Variants in ERC2 observed in about 807,000 individuals in gnomAD.
ERC2 encodes the protein ERC protein 2.
In ERC2, 42 loss-of-function variants were observed where a neutral mutation model predicts 114.8. That is an observed-to-expected ratio of 0.37 (90% CI 0.29 to 0.47). The LOEUF (loss-of-function observed/expected upper bound fraction) is 0.47, where lower values mean the gene tolerates loss of function less well. Ranked by LOEUF, ERC2 falls within the 20% of genes least tolerant of loss-of-function variation. The pLI, the probability that ERC2 is intolerant of heterozygous loss-of-function variation, is 0.99. For missense variants in ERC2, 939 were observed against 1,150.7 expected (o/e 0.82, Z 2.66); for synonymous variants, 454 against 425.5 (o/e 1.07, Z -0.82).
chr3:56,137,250 C>T (rs1352578571), intron 6 of ERC2, among the ~76,000 whole-genome samples: 2 of 152,190 alleles, frequency 1.3e-5, no homozygotes, highest in Admixed American at 1.3e-4. Flanking sequence ...TGCCTTGCTT[C>T]TCAAATTCTC....
At chr3:55,852,106 G>C (rs1489865999) in intron 14 of ERC2, among the ~76,000 whole-genome samples, 1 of 152,144 alleles carries the variant, frequency 6.6e-6, no homozygotes, top group African/African-American at 2.4e-5. Context: ...TCTAATCCCA[G>C]CTACTCAGGA....
chr3:55,586,903 T>C (rs920221968), intron 17 of ERC2, among the ~76,000 whole-genome samples: 58 of 152,310 alleles, frequency 3.8e-4, no homozygotes, highest in African/African-American at 1.2e-3. Flanking sequence ...TTTTTTTCTA[T>C]GAACAAAAAA....
chr3:56,223,864 T>C (rs1163547070), intron 3 of ERC2, among the ~76,000 whole-genome samples: 1 of 152,254 alleles, frequency 6.6e-6, no homozygotes, highest in East Asian at 1.9e-4. Flanking sequence ...TCTCCACATG[T>C]TAAAAGCTGC....
At chr3:55,891,437 A>ATTTTTTTTT (rs869073962) in intron 13 of ERC2, among the ~76,000 whole-genome samples, 2 of 86,956 alleles carry the variant, frequency 2.3e-5, no homozygotes, top group Non-Finnish European at 4.5e-5. Flanking sequence ...GTCTGGTTCT[A>ATTTTTTTTT]TTTTTTTTTT....
At chr3:55,738,976 G>T (rs1186209852) in intron 14 of ERC2, among the ~76,000 whole-genome samples, 1 of 152,044 alleles carries the variant, frequency 6.6e-6, no homozygotes, top group Non-Finnish European at 1.5e-5. Context: ...TGTTCTCATT[G>T]TTCAACTCCC....
At chr3:55,617,854 A>T (rs2059183422) in intron 17 of ERC2, among the ~76,000 whole-genome samples, 1 of 152,216 alleles carries the variant, frequency 6.6e-6, no homozygotes, top group Admixed American at 6.5e-5. Flanking sequence ...GAGCAAGGGA[A>T]GTGGGGCCAC....
intron 12 of ERC2, among the ~76,000 whole-genome samples, chr3:55,978,203 A>G (rs2069751717): frequency 6.6e-6 from 1 of 152,240 alleles, no homozygotes; most frequent in Non-Finnish European, 1.5e-5. Context: ...ATACATGAAT[A>G]CAGAAAGGCA....
At chr3:55,897,657 A>C (rs368734716) in intron 13 of ERC2, among the ~76,000 whole-genome samples, 8 of 151,938 alleles carry the variant, frequency 5.3e-5, no homozygotes, top group African/African-American at 1.9e-4. Flanking sequence ...AAACGCTTAA[A>C]CCCCCCGTCA....
intron 13 of ERC2, among the ~76,000 whole-genome samples, chr3:55,902,011 C>A (rs972303395): frequency 2.6e-5 from 4 of 152,188 alleles, no homozygotes; most frequent in African/African-American, 9.7e-5. Flanking sequence ...CACACAAACA[C>A]AGACACATGC....
At position 56,192,888 on chromosome 3, in the gene ERC2, G is replaced by C. The variant is rs572224603; in HGVS notation, c.1075-19368C>G. Among the ~76,000 whole-genome samples the C allele has an allele frequency of 3.9e-5, 6 of 152,208 alleles. No homozygotes were observed. In the South Asian group the frequency reaches 6.2e-4, roughly 16 times the overall value. On this transcript the variant is annotated intron_variant, in intron 3 of 17. Transcript: ENST00000288221. Reference sequence around the variant, plus strand: ...CAGGAAACACATTCATTTGACAATGGGTATCAGTTTTCCATAAGGTCTCCC... The same window carrying C: ...CAGGAAACACATTCATTTGACAATGCGTATCAGTTTTCCATAAGGTCTCCC...
chr3:55,810,914 C>T (rs2059697061), intron 14 of ERC2, among the ~76,000 whole-genome samples: 1 of 152,132 alleles, frequency 6.6e-6, no homozygotes, highest in African/African-American at 2.4e-5. Flanking sequence ...CTTTATGTAT[C>T]TGTCTAGTAG....
intron 2 of ERC2, among the ~76,000 whole-genome samples, chr3:56,356,740 T>G (rs187495861): frequency 6.6e-6 from 1 of 152,220 alleles, no homozygotes. Context: ...GCTAACACAG[T>G]CTCACAATAT....
Position 56,435,016 on chromosome 3 carries a change from T to C in ERC2, c.-9A>G, listed in dbSNP as rs763811547. The C allele has an allele frequency of 6.3e-7, 1 of 1,595,496 alleles. No homozygotes were observed. Among genetic ancestry groups the C allele is most frequent in the Non-Finnish European group, 8.5e-7 (1 of 1,173,938 alleles). On this transcript the variant is annotated 5_prime_UTR_variant, in exon 2 of 18. The change creates a new upstream start codon in the 5' untranslated region. Transcript: ENST00000288221. ...CTTGCACTTCCATACATTTTTCTTGTATTATGAGGTGTTACTGAAGAGAAG... is the reference window on the plus strand; with the variant it reads ...CTTGCACTTCCATACATTTTTCTTGCATTATGAGGTGTTACTGAAGAGAAG...
rs1316367408 is a variant in ERC2, at chr3:56,291,252, TC to T, written c.1074+4766del. ...AAGGTAAACGTCAAACAATGTCTTA[TC>T]AAATCAACCTGCATCCAAATACATC... is the stretch of plus-strand genomic sequence containing the variant. On this transcript the variant is annotated intron_variant, in intron 3 of 17. Transcript: ENST00000288221. Among the ~76,000 whole-genome samples, 10 of 152,338 alleles carry T rather than the reference TC, an allele frequency of 6.6e-5. No individual in the cohort carries two copies. The East Asian group carries it at 1.9e-3, about 29-fold the overall frequency.
intron 13 of ERC2, among the ~76,000 whole-genome samples, chr3:55,916,507 G>C (rs1304401652): frequency 6.6e-6 from 1 of 152,124 alleles, no homozygotes; most frequent in African/African-American, 2.4e-5. Context: ...ATAATCACAT[G>C]TGCGCTAGTA....
chr3:55,733,197 C>T (rs2065368185), intron 15 of ERC2, among the ~76,000 whole-genome samples: 1 of 152,114 alleles, frequency 6.6e-6, no homozygotes, highest in Non-Finnish European at 1.5e-5. Context: ...GAAAGACGCT[C>T]ATTTTGACTT....
At chr3:55,958,446 C>T (rs545049542) in intron 12 of ERC2, among the ~76,000 whole-genome samples, 2 of 152,226 alleles carry the variant, frequency 1.3e-5, no homozygotes, top group Non-Finnish European at 2.9e-5. Flanking sequence ...CCACCCAGAA[C>T]AGGCAGCCCA....
chr3:56,032,324 A>G (rs1263586212), intron 7 of ERC2, among the ~76,000 whole-genome samples: 1 of 152,234 alleles, frequency 6.6e-6, no homozygotes, highest in Non-Finnish European at 1.5e-5. Flanking sequence ...GAAAGAATCC[A>G]CAAACTCAAA....
chr3:56,239,320 C>T (rs371164785), intron 3 of ERC2, among the ~76,000 whole-genome samples: 177 of 151,792 alleles, frequency 1.2e-3, no homozygotes, highest in African/African-American at 4.0e-3. Context: ...AGTTTGCGAC[C>T]AGCGTGGGCA....
Sources: allele counts gnomAD v4.1 joint callset (sites outside exome capture counted in the v4.1 genomes callset), GRCh38; gene constraint gnomAD v4.1.1; transcripts MANE v1.5; gene names NCBI Gene and HGNC (gene_info 2026-07-23, HGNC 2026-07-21).